The following NAV2 variants were observed in gnomAD, a reference collection of about 807,000 sequenced individuals.
NAV2 encodes the protein neuron navigator 2.
A neutral mutation model predicts 223.2 loss-of-function variants in NAV2; 54 were observed. The ratio of observed to expected loss-of-function variants is 0.24; its 90% confidence interval spans 0.19 to 0.30. The LOEUF (loss-of-function observed/expected upper bound fraction) is 0.30. NAV2 is among the 10% of genes least tolerant of loss of function. NAV2 has a pLI of 1.00. For missense variants in NAV2, 2,806 were observed against 3,147.5 expected, an observed-to-expected ratio of 0.89 and a Z score of 2.60; for synonymous variants, 1,279 against 1,239.3, an observed-to-expected ratio of 1.03 and a Z score of -0.67.
chr11:19,549,450 C>A (rs988369128), intron 1 of NAV2, among the ~76,000 whole-genome samples: 6 of 152,180 alleles, frequency 3.9e-5, no homozygotes. Context: ...GGACAAGTAT[C>A]CTCAGGAGCT....
At chr11:19,649,708 G>A (rs2047913258) in intron 1 of NAV2, among the ~76,000 whole-genome samples, 1 of 152,092 alleles carries the variant, frequency 6.6e-6, no homozygotes, top group African/African-American at 2.4e-5. Context: ...GAATTTGGGG[G>A]AATATAATAT....
At chr11:20,105,333 A>G (rs1345822951) in intron 34 of NAV2, 198 bp from the exon 35 acceptor site, 5 of 480,294 alleles carry the variant, frequency 1.0e-5, no homozygotes, top group Non-Finnish European at 1.5e-5. Context: ...TGGAGATAAT[A>G]TCTATGTTAG....
intron 5 of NAV2, chr11:19,884,306 G>A (rs1465557586): frequency 3.7e-6 from 6 of 1,613,714 alleles, no homozygotes; most frequent in Middle Eastern, 3.3e-4. Context: ...CATCATCCAA[G>A]GACTCATCTC....
intron 1 of NAV2, among the ~76,000 whole-genome samples, chr11:19,613,092 C>T (rs1319572455): frequency 1.3e-5 from 2 of 152,142 alleles, no homozygotes; most frequent in Non-Finnish European, 2.9e-5. Flanking sequence ...TCTCGTGAGC[C>T]TTATTCACTG....
chr11:19,897,798 T>G (rs888739945), intron 6 of NAV2, among the ~76,000 whole-genome samples: 1 of 151,422 alleles, frequency 6.6e-6, no homozygotes, highest in Middle Eastern at 3.2e-3. Context: ...TGTTGTATCA[T>G]CATTGCCATC....
At chr11:20,014,685 T>G (rs1565768461) in intron 11 of NAV2, among the ~76,000 whole-genome samples, 1 of 152,150 alleles carries the variant, frequency 6.6e-6, no homozygotes, top group African/African-American at 2.4e-5. Context: ...GTGGATCACC[T>G]GAGGTCAGGA....
intron 1 of NAV2, among the ~76,000 whole-genome samples, chr11:19,449,151 G>T (rs773112212): frequency 2.0e-5 from 3 of 152,154 alleles, no homozygotes; most frequent in Non-Finnish European, 4.4e-5. Flanking sequence ...AAGCCATCAT[G>T]AACCTGGCCT....
intron 1 of NAV2, among the ~76,000 whole-genome samples, chr11:19,357,954 C>G (rs940308801): frequency 6.6e-6 from 1 of 152,182 alleles, no homozygotes; most frequent in South Asian, 2.1e-4. Context: ...TGTGGCATCC[C>G]CTATAACCTC....
At chr11:19,945,630 C>A (rs989187770) in intron 8 of NAV2, among the ~76,000 whole-genome samples, 3 of 152,186 alleles carry the variant, frequency 2.0e-5, no homozygotes, top group Non-Finnish European at 4.4e-5. Flanking sequence ...AGGCGTGAGC[C>A]ACTGCACCTG....
chr11:19,762,012 G>T (rs761980224), intron 1 of NAV2, among the ~76,000 whole-genome samples: 13 of 152,248 alleles, frequency 8.5e-5, no homozygotes, highest in Non-Finnish European at 1.3e-4. Flanking sequence ...GGAGGCCAAG[G>T]GGGGCGGATC....
intron 1 of NAV2, among the ~76,000 whole-genome samples, chr11:19,732,857 G>A (rs567489398): frequency 4.6e-5 from 7 of 152,334 alleles, no homozygotes; most frequent in South Asian, 4.1e-4. Flanking sequence ...GATGACTTAC[G>A]TGCCTCACAC....
intron 1 of NAV2, among the ~76,000 whole-genome samples, chr11:19,418,089 G>A (rs1399496531): frequency 6.6e-6 from 1 of 152,080 alleles, no homozygotes; most frequent in Non-Finnish European, 1.5e-5. Flanking sequence ...TGCATGTTCT[G>A]CACATGTATC....
At chr11:19,719,009 T>C (rs2050539346) in intron 1 of NAV2, among the ~76,000 whole-genome samples, 1 of 152,224 alleles carries the variant, frequency 6.6e-6, no homozygotes, top group African/African-American at 2.4e-5. Context: ...TCTCTTCCTC[T>C]GTGACCAAGA....
chr11:20,056,006 G>T, intron 19 of NAV2, 49 bp downstream of exon 19: 1 of 1,547,444 alleles, frequency 6.5e-7, no homozygotes, highest in Non-Finnish European at 8.7e-7. Context: ...CATCTCCCAG[G>T]TTACTCAGTG....
intron 1 of NAV2, among the ~76,000 whole-genome samples, chr11:19,558,206 C>T (rs762200657): frequency 7.2e-5 from 11 of 152,134 alleles, no homozygotes; most frequent in Non-Finnish European, 1.0e-4. Flanking sequence ...TCTATTGCTG[C>T]GAAACAAACC....
intron 1 of NAV2, among the ~76,000 whole-genome samples, chr11:19,830,267 T>C (rs1223697195): frequency 6.6e-6 from 1 of 152,116 alleles, no homozygotes; most frequent in Non-Finnish European, 1.5e-5. Context: ...ATTCTTTCAC[T>C]GAGAACATAA....
chr11:19,968,400 A>T (rs1437256875), intron 10 of NAV2, among the ~76,000 whole-genome samples: 1 of 152,096 alleles, frequency 6.6e-6, no homozygotes, highest in South Asian at 2.1e-4. Context: ...GTATTTTTTT[A>T]GTAGAGACGG....
chr11:19,676,908 G>T (rs1165336171), intron 1 of NAV2, among the ~76,000 whole-genome samples: 1 of 152,192 alleles, frequency 6.6e-6, no homozygotes, highest in Non-Finnish European at 1.5e-5. Flanking sequence ...ACTCTCCTTA[G>T]ATCGTTAAGA....
At chr11:19,984,464 C>T (rs914766407) in intron 11 of NAV2, among the ~76,000 whole-genome samples, 1 of 152,124 alleles carries the variant, frequency 6.6e-6, no homozygotes, top group African/African-American at 2.4e-5. Flanking sequence ...GGTGGTGCTT[C>T]TGACAGCAGT....
Sources: gnomAD v4.1 joint callset for allele counts (sites outside exome capture counted in the v4.1 genomes callset) on GRCh38, gnomAD v4.1.1 for gene constraint, MANE v1.5 for transcripts, NCBI Gene and HGNC (gene_info 2026-07-23, HGNC 2026-07-21) for gene names.